The following TACC1 variants were observed in gnomAD, a reference collection of about 807,000 sequenced individuals.
TACC1 encodes transforming acidic coiled-coil containing protein 1.
Under a neutral mutation model 84.4 loss-of-function variants are expected in TACC1, and 48 were observed. The ratio of observed to expected loss-of-function variants is 0.57; its 90% CI spans 0.45 to 0.72. The LOEUF is 0.72. Ranked by LOEUF, TACC1 falls within the 30% of genes least tolerant of loss-of-function variation. TACC1 has a pLI of 0.00. For synonymous variants in TACC1, 372 were observed against 376.3 expected, an observed-to-expected ratio of 0.99 and a Z score of 0.13; for missense variants, 920 against 973.0, an observed-to-expected ratio of 0.95 and a Z score of 0.72.
chr8:38,762,845 G>A (rs564630335), intron 3 of TACC1, among the ~76,000 whole-genome samples: 5 of 152,136 alleles, frequency 3.3e-5, no homozygotes, highest in South Asian at 4.2e-4. Flanking sequence ...GCATGAGCCC[G>A]GCCCCACCTT....
Position 38,842,331 on chromosome 8 carries a change from C to T in TACC1, c.2005C>T (p.Gln669Ter). The T allele has an allele frequency of 6.2e-7, 1 of 1,614,100 alleles. No individual in the cohort carries two copies. The highest frequency in any genetic ancestry group is 8.5e-7 in the Non-Finnish European group (1 of 1,179,986). ...TATGACCTCTCAGAAGAGCTTCCAG[C>T]AACTGACCATGGAGAAGGAACAGGC... Reference protein sequence around the residue: ...TSMTSQKSFQQLTMEKEQALA... With the variant: ...TSMTSQKSFQ The change falls in exon 10 of 13, where the codon CAA (glutamine) becomes TAA (stop). Residue 669 changes from glutamine (Q) to a stop codon, truncating the protein, a stop_gained. Transcript: ENST00000317827. LOFTEE classifies it high-confidence loss of function.
At chr8:38,741,719 C>G (rs1027890335) in intron 1 of TACC1, among the ~76,000 whole-genome samples, 2 of 152,206 alleles carry the variant, frequency 1.3e-5, no homozygotes, top group Admixed American at 6.5e-5. Context: ...GTTTCAATAC[C>G]CAAACACTGC....
intron 2 of TACC1, among the ~76,000 whole-genome samples, chr8:38,743,509 A>C (rs7010743): frequency 2.0e-5 from 3 of 152,202 alleles, no homozygotes; most frequent in Non-Finnish European, 4.4e-5. Context: ...GCTAGTTTAC[A>C]GAGCACTCCT....
intron 4 of TACC1, among the ~76,000 whole-genome samples, chr8:38,826,898 C>T (rs532206280): frequency 6.6e-6 from 1 of 152,300 alleles, no homozygotes; most frequent in African/African-American, 2.4e-5. Flanking sequence ...AAACCATTGT[C>T]TTAAACCACT....
intron 2 of TACC1, among the ~76,000 whole-genome samples, chr8:38,807,876 A>T (rs1458870524): frequency 1.3e-5 from 2 of 152,214 alleles, no homozygotes; most frequent in Non-Finnish European, 2.9e-5. Flanking sequence ...AGAGGGAGAG[A>T]ACTCTTTTTA....
At chr8:38,812,123 T>C (rs555821289) in intron 2 of TACC1, among the ~76,000 whole-genome samples, 11 of 152,294 alleles carry the variant, frequency 7.2e-5, no homozygotes, top group Admixed American at 5.9e-4. Context: ...GGTTCTCTGC[T>C]CTCGAACCCT....
rs1822062692 is a variant in TACC1 at position 38,804,052 on chromosome 8, A to G, written c.277+15233A>G. On this transcript the variant is annotated intron_variant, in intron 2 of 12. Transcript: ENST00000317827. ...CTAATTTGTTAGCTTACAGTTACTT[A>G]TAGTATTTTTTCTTATTTTTTAATG... Among the ~76,000 whole-genome samples the G allele has an allele frequency of 2.0e-5, 3 of 152,212 alleles. No individual in the cohort carries two copies. In the South Asian group the frequency reaches 6.2e-4, roughly 32 times the overall value.
rs574193782 is a variant in TACC1 at position 38,811,756 on chromosome 8, T to C, written c.278-7766T>C. On this transcript the variant is annotated intron_variant, in intron 2 of 12. Transcript: ENST00000317827. ...GTGTGTTTAAACAATATGAAATCAG[T>C]GCACCTTGAAAAAGAACAGAATAAC... Among the ~76,000 whole-genome samples, 3 of 152,290 alleles carry C rather than the reference T, an allele frequency of 2.0e-5. No individual in the cohort carries two copies. In the South Asian group the frequency reaches 6.2e-4, roughly 32 times the overall value.
intron 6 of TACC1, among the ~76,000 whole-genome samples, chr8:38,833,113 C>T (rs1829582514): frequency 6.6e-6 from 1 of 152,212 alleles, no homozygotes; most frequent in South Asian, 2.1e-4. Context: ...CTGGCCAATT[C>T]TCTGTGATGG....
At position 38,851,427 on chromosome 8, in the gene TACC1, C is replaced by T. The variant is rs1246332297; in HGVS notation, c.*3404C>T. 1 of 154,578 alleles carries T rather than the reference C, an allele frequency of 6.5e-6. No homozygotes were observed. Among genetic ancestry groups the T allele is most frequent in the Non-Finnish European group, 1.4e-5 (1 of 69,516 alleles). 9.6% of individuals were successfully genotyped at this position (154,578 alleles called of 1,614,324 possible). A position where few individuals can be genotyped will look rare whatever the true frequency, so the allele number is the denominator to read the frequency against. On this transcript the variant is annotated 3_prime_UTR_variant, in exon 13 of 13. Coordinates refer to ENST00000317827, the MANE Select transcript of TACC1 (RefSeq NM_006283.3). ...GTAAAAGCAGCTGGAGTGAAGCACT[C>T]ATTTTCCATAAAGGTAACAAAGGGC...
At chr8:38,745,520 G>C (rs992975060) in intron 3 of TACC1, 1 of 680,718 alleles carries the variant, frequency 1.5e-6, no homozygotes, top group African/African-American at 1.8e-5. Context: ...TTGTTTTCTT[G>C]TTTTTTTTCT....
At chr8:38,783,713 C>A (rs55707255), upstream of TACC1, among the ~76,000 whole-genome samples, 27,600 of 152,170 alleles carry the variant, frequency 0.18, 3,319 homozygotes, top group Non-Finnish European at 0.27. Context: ...AGCCACCGCA[C>A]CCAGCCTGAA....
At chr8:38,812,369 C>T (rs1824402028) in intron 2 of TACC1, among the ~76,000 whole-genome samples, 2 of 152,100 alleles carry the variant, frequency 1.3e-5, no homozygotes, top group Admixed American at 1.3e-4. Context: ...ACATCATGGA[C>T]CTACCGATAT....
At chr8:38,753,057 A>G (rs1207775157) in intron 3 of TACC1, among the ~76,000 whole-genome samples, 2 of 152,114 alleles carry the variant, frequency 1.3e-5, no homozygotes, top group Non-Finnish European at 2.9e-5. Context: ...ATTGCATAAT[A>G]ACTATTCATA....
At chr8:38,842,061 C>G (rs1229542889) in intron 9 of TACC1, among the ~76,000 whole-genome samples, 2 of 152,132 alleles carry the variant, frequency 1.3e-5, no homozygotes, top group Non-Finnish European at 2.9e-5. Flanking sequence ...AGCAGGTACT[C>G]TCTGTACAGT....
Position 38,819,909 on chromosome 8 carries a change from T to C in TACC1, c.665T>C (p.Leu222Pro). 1 of 1,614,096 alleles carries C rather than the reference T, an allele frequency of 6.2e-7. No homozygotes were observed. Among genetic ancestry groups the C allele is most frequent in the Non-Finnish European group, 8.5e-7 (1 of 1,180,034 alleles). Residue 222 changes from leucine to proline, a missense_variant, in exon 3 of 13, where the codon CTT becomes CCT. By Grantham distance (98) the Leu-to-Pro change is moderately conservative. Coordinates refer to ENST00000317827, the MANE Select transcript of TACC1 (RefSeq NM_006283.3). The part of the protein sequence containing the change: ...DLKAGNSCPE[L>P]VPSRRSKLRK... Reference sequence around the variant, plus strand: ...AAAGCTGGCAACTCCTGTCCAGAGCTTGTGCCCAGCAGAAGAAGCAAGCTG... The same window carrying C: ...AAAGCTGGCAACTCCTGTCCAGAGCCTGTGCCCAGCAGAAGAAGCAAGCTG...
intron 11 of TACC1, among the ~76,000 whole-genome samples, chr8:38,844,449 C>G (rs927942283): frequency 6.6e-6 from 1 of 152,180 alleles, no homozygotes; most frequent in Non-Finnish European, 1.5e-5. Flanking sequence ...GCTGGGATTA[C>G]AGGTGTGAGC....
Position 38,838,489 on chromosome 8 carries a change from A to G in TACC1, c.1859A>G (p.Glu620Gly). 6.2e-7 allele frequency: 1 copy of G among 1,613,734 alleles called. No individual in the cohort carries two copies. Among genetic ancestry groups the G allele is most frequent in the Non-Finnish European group, 8.5e-7 (1 of 1,179,642 alleles). Residue 620 changes from glutamate to glycine, a missense_variant, in exon 8 of 13, where the codon GAA (glutamate) becomes GGA (glycine). By Grantham distance (98) the Glu-to-Gly change is moderately conservative. Transcript: ENST00000317827. Reference sequence around the variant, plus strand: ...CTCTAGATAATTACTAAAGAGATTGAAGCAAATGAATGGAAGAAGAAATAC... The same window carrying G: ...CTCTAGATAATTACTAAAGAGATTGGAGCAAATGAATGGAAGAAGAAATAC... ...IREEIITKEI[E>G]ANEWKKKYEE...
At chr8:38,800,028 G>C (rs1029255931) in intron 2 of TACC1, 1 of 152,276 alleles carries the variant, frequency 6.6e-6, no homozygotes, top group Non-Finnish European at 1.5e-5. Context: ...GGGCATGATG[G>C]CTTGTGCCTT....
Sources: gnomAD v4.1 joint callset for allele counts (sites outside exome capture counted in the v4.1 genomes callset) on GRCh38, gnomAD v4.1.1 for gene constraint, MANE v1.5 for transcripts, NCBI Gene and HGNC (gene_info 2026-07-23, HGNC 2026-07-21) for gene names.